Variants in LOC112694756 observed in about 807,000 individuals in gnomAD.
chr16:30,064,008 G>C, the LOC112694756 span: 1 of 398,808 alleles, frequency 2.5e-6, no homozygotes, highest in East Asian at 3.6e-5. Context: ...TGCAGGGCAG[G>C]ACTCTTGGCC....
chr16:30,066,734 G>A, the LOC112694756 span, among the ~76,000 whole-genome samples: 1 of 152,234 alleles, frequency 6.6e-6, no homozygotes, highest in African/African-American at 2.4e-5. Context: ...GAAGAGCTGG[G>A]TTCTAATCTC....
chr16:30,068,315 C>T, the LOC112694756 span: 9 of 366,862 alleles, frequency 2.5e-5, no homozygotes, highest in East Asian at 7.0e-5. Flanking sequence ...CTGCCCACCT[C>T]GGCCTCCCAA....
the LOC112694756 span, chr16:30,070,151 C>A: frequency 6.2e-7 from 1 of 1,614,100 alleles, no homozygotes; most frequent in South Asian, 1.1e-5. Context: ...AAGTACACTC[C>A]GAGCGGTCAG....
At chr16:30,066,906 G>C in the LOC112694756 span, 17 of 1,550,338 alleles carry the variant, frequency 1.1e-5, no homozygotes, top group South Asian at 1.3e-4. Flanking sequence ...CCATGGCAAG[G>C]CGCAAGCCAG....
At chr16:30,062,873 T>C in the LOC112694756 span, among the ~76,000 whole-genome samples, 1 of 150,248 alleles carries the variant, frequency 6.7e-6, no homozygotes, top group Admixed American at 6.6e-5. Context: ...CCGGGCACAG[T>C]TGCTCACTCC....
the LOC112694756 span, chr16:30,055,321 C>A: frequency 7.5e-6 from 3 of 399,234 alleles, no homozygotes; most frequent in Non-Finnish European, 1.3e-5. Context: ...CCCAGCCCAC[C>A]AGAGCTGTGA....
the LOC112694756 span, among the ~76,000 whole-genome samples, chr16:30,062,267 C>T: frequency 6.6e-6 from 1 of 152,128 alleles, no homozygotes; most frequent in Non-Finnish European, 1.5e-5. Context: ...GGCGCAGTGG[C>T]GCATGCCTGT....
At chr16:30,068,843 T>C in the LOC112694756 span, 1 of 1,614,236 alleles carries the variant, frequency 6.2e-7, no homozygotes, top group Non-Finnish European at 8.5e-7. Flanking sequence ...CTGAGCGCTG[T>C]GCCCAGTACA....
At chr16:30,067,862 C>T in the LOC112694756 span, 2 of 660,756 alleles carry the variant, frequency 3.0e-6, no homozygotes, top group Admixed American at 5.0e-5. Context: ...ACATGAAAAT[C>T]TCAGAAGCTC....
At chr16:30,067,029 G>T in the LOC112694756 span, 1 of 1,577,276 alleles carries the variant, frequency 6.3e-7, no homozygotes, top group Non-Finnish European at 8.6e-7. Context: ...ACCAGACAGA[G>T]TTAGGAAAGG....
the LOC112694756 span, chr16:30,064,562 C>G: frequency 4.0e-5 from 16 of 398,706 alleles, 1 homozygote; most frequent in African/African-American, 1.8e-4. Flanking sequence ...CTTCCTCCCC[C>G]TTCCCCCATG....
chr16:30,067,007 G>A, the LOC112694756 span: 1 of 1,569,216 alleles, frequency 6.4e-7, no homozygotes, highest in South Asian at 1.2e-5. Context: ...CCTCAGCTGG[G>A]CAACACCCAG....
chr16:30,065,543 C>G, the LOC112694756 span: 1 of 152,316 alleles, frequency 6.6e-6, no homozygotes, highest in African/African-American at 2.4e-5. Flanking sequence ...CCTAGCGACC[C>G]GCGGGATGTG....
chr16:30,066,801 G>A, the LOC112694756 span: 3 of 1,440,950 alleles, frequency 2.1e-6, no homozygotes, highest in Non-Finnish European at 2.8e-6. Context: ...CCATATCTGG[G>A]CCCTTTCCCA....
At chr16:30,057,244 G>A in the LOC112694756 span, among the ~76,000 whole-genome samples, 1 of 152,008 alleles carries the variant, frequency 6.6e-6, no homozygotes, top group African/African-American at 2.4e-5. Flanking sequence ...ATCACACTTC[G>A]CCACCTATCC....
the LOC112694756 span, chr16:30,070,147 ACTC>A: frequency 6.2e-7 from 1 of 1,613,918 alleles, no homozygotes; most frequent in Middle Eastern, 1.6e-4. Flanking sequence ...AGGAAAGTAC[ACTC>A]CGAGCGGTCA....
At chr16:30,059,082 T>C in the LOC112694756 span, 4 of 398,422 alleles carry the variant, frequency 1.0e-5, no homozygotes. Flanking sequence ...AAGCCAGGCA[T>C]CTAGGCCCCA....
the LOC112694756 span, chr16:30,069,861 G>A: frequency 1.2e-6 from 2 of 1,614,172 alleles, no homozygotes; most frequent in East Asian, 4.5e-5. Context: ...GCCAGAGTGA[G>A]GAGGAGGCGT....
the LOC112694756 span, chr16:30,064,455 A>C: frequency 8.8e-5 from 35 of 398,530 alleles, no homozygotes; most frequent in Non-Finnish European, 1.4e-4. Flanking sequence ...TCTCTTGACA[A>C]CCAAGGGCCT....
Sources: gnomAD v4.1 joint callset for allele counts (sites outside exome capture counted in the v4.1 genomes callset) on GRCh38, gnomAD v4.1.1 for gene constraint, MANE v1.5 for transcripts.